Variants in GABBR2 observed in about 807,000 individuals in gnomAD.
The protein encoded by GABBR2 is G-protein coupled receptor 51.
Under a neutral mutation model 105.6 loss-of-function variants are expected in GABBR2, and 23 were observed. The ratio of observed to expected loss-of-function variants is 0.22; its 90% CI spans 0.16 to 0.31. The LOEUF (loss-of-function observed/expected upper bound fraction) is 0.31. Among genes scored for constraint, GABBR2 ranks in the 10% least tolerant of loss-of-function variants. GABBR2 has a pLI of 1.00. For synonymous variants in GABBR2, 478 were observed against 499.7 expected, an observed-to-expected ratio of 0.96 and a Z score of 0.58; for missense variants, 734 against 1,245.5, an observed-to-expected ratio of 0.59 and a Z score of 6.18.
At chr9:98,514,543 G>A (rs1239065955) in intron 3 of GABBR2, among the ~76,000 whole-genome samples, 3 of 148,610 alleles carry the variant, frequency 2.0e-5, no homozygotes, top group South Asian at 2.2e-4. Context: ...GCAAACTATC[G>A]CAAGGACAAA....
chr9:98,496,211 C>G (rs910491741), intron 4 of GABBR2: 1 of 590,968 alleles, frequency 1.7e-6, no homozygotes, highest in African/African-American at 1.9e-5. Flanking sequence ...CACCTGCAGC[C>G]AGCACCTCTG....
intron 13 of GABBR2, among the ~76,000 whole-genome samples, chr9:98,351,826 C>T (rs962005116): frequency 1.3e-5 from 2 of 152,128 alleles, no homozygotes; most frequent in African/African-American, 4.8e-5. Flanking sequence ...CATAGATTTC[C>T]TTTCTTTGGA....
chr9:98,621,810 T>C (rs1829673891), intron 1 of GABBR2, among the ~76,000 whole-genome samples: 1 of 152,218 alleles, frequency 6.6e-6, no homozygotes, highest in African/African-American at 2.4e-5. Context: ...TGTAATAATG[T>C]GCCTACAGAT....
chr9:98,598,867 G>A (rs1829277453), intron 1 of GABBR2, among the ~76,000 whole-genome samples: 3 of 152,122 alleles, frequency 2.0e-5, no homozygotes, highest in South Asian at 2.1e-4. Flanking sequence ...AATTTTCCCT[G>A]TTCCATCACA....
intron 13 of GABBR2, among the ~76,000 whole-genome samples, chr9:98,353,824 T>A (rs1831442510): frequency 6.6e-6 from 1 of 151,934 alleles, no homozygotes; most frequent in African/African-American, 2.4e-5. Flanking sequence ...GGTGGCGGAA[T>A]TCCCCCATGC....
At chr9:98,409,907 G>A (rs751703157) in intron 7 of GABBR2, among the ~76,000 whole-genome samples, 1 of 152,160 alleles carries the variant, frequency 6.6e-6, no homozygotes, top group Non-Finnish European at 1.5e-5. Context: ...TTGTCTCAGA[G>A]CCTGTTTTCT....
At chr9:98,666,383 A>G (rs2131857417) in intron 1 of GABBR2, among the ~76,000 whole-genome samples, 1 of 152,326 alleles carries the variant, frequency 6.6e-6, no homozygotes, top group African/African-American at 2.4e-5. Context: ...TGGAGAATTC[A>G]TGCTTCTCAT....
At chr9:98,573,909 A>G (rs1395146275) in intron 2 of GABBR2, among the ~76,000 whole-genome samples, 1 of 152,212 alleles carries the variant, frequency 6.6e-6, no homozygotes, top group Non-Finnish European at 1.5e-5. Flanking sequence ...CGCCACAAGA[A>G]CCAATGTTTA....
At chr9:98,619,994 T>C (rs1014971268) in intron 1 of GABBR2, among the ~76,000 whole-genome samples, 2 of 152,164 alleles carry the variant, frequency 1.3e-5, no homozygotes, top group Non-Finnish European at 2.9e-5. Flanking sequence ...TGTTGGGTCA[T>C]TGGCAAAATG....
chr9:98,684,007 C>CAAAAAAAA (rs367642589), intron 1 of GABBR2, among the ~76,000 whole-genome samples: 11 of 105,928 alleles, frequency 1.0e-4, no homozygotes, highest in Admixed American at 3.1e-4. Context: ...GACTCCATCT[C>CAAAAAAAA]AAAAAAAAAA....
In GABBR2 at chr9:98,487,463, T is replaced by C. The variant is rs80191277; in HGVS notation, c.733-6466A>G. On this transcript the variant is annotated intron_variant, in intron 4 of 18. Transcript: ENST00000259455. Reference sequence around the variant, plus strand: ...CTCAAAGCCTACCTTTGTAGTTGTCTTATGCCAGGCAGAATAATAGCCACA... The same window carrying C: ...CTCAAAGCCTACCTTTGTAGTTGTCCTATGCCAGGCAGAATAATAGCCACA... 3.2e-3 allele frequency among the ~76,000 whole-genome samples: 483 copies of C among 152,304 alleles called. 6 individuals carry two copies. The East Asian group carries it at 0.038, about 12-fold the overall frequency.
At chr9:98,427,840 T>G (rs896099080) in intron 7 of GABBR2, among the ~76,000 whole-genome samples, 3 of 151,952 alleles carry the variant, frequency 2.0e-5, no homozygotes, top group Non-Finnish European at 2.9e-5. Context: ...CCTGAGGAAC[T>G]GAGTCCTGTT....
intron 13 of GABBR2, among the ~76,000 whole-genome samples, chr9:98,327,026 G>A (rs941007236): frequency 6.6e-6 from 1 of 152,204 alleles, no homozygotes; most frequent in Non-Finnish European, 1.5e-5. Flanking sequence ...GAAACAGATG[G>A]CTACTGTGTT....
At chr9:98,433,329 G>A (rs1178248114) in intron 7 of GABBR2, among the ~76,000 whole-genome samples, 1 of 152,190 alleles carries the variant, frequency 6.6e-6, no homozygotes, top group East Asian at 1.9e-4. Flanking sequence ...CCATGGGTCT[G>A]TAAGTATATA....
intron 13 of GABBR2, among the ~76,000 whole-genome samples, chr9:98,312,495 C>T (rs1485672860): frequency 6.6e-6 from 1 of 152,224 alleles, no homozygotes; most frequent in Admixed American, 6.5e-5. Flanking sequence ...TTCTGTCAGA[C>T]ATCCATTTCA....
chr9:98,543,091 T>C (rs1029438742), intron 2 of GABBR2, among the ~76,000 whole-genome samples: 3 of 152,146 alleles, frequency 2.0e-5, no homozygotes, highest in African/African-American at 7.2e-5. Context: ...TCTTTATTAT[T>C]TCTTCTTTTT....
At chr9:98,494,202 C>T (rs1316301426) in intron 4 of GABBR2, among the ~76,000 whole-genome samples, 2 of 152,134 alleles carry the variant, frequency 1.3e-5, no homozygotes, top group Non-Finnish European at 2.9e-5. Context: ...TGTTATAAAC[C>T]ACCTAGTTTG....
At chr9:98,636,892 G>T (rs938252825) in intron 1 of GABBR2, among the ~76,000 whole-genome samples, 1 of 152,074 alleles carries the variant, frequency 6.6e-6, no homozygotes, top group Non-Finnish European at 1.5e-5. Flanking sequence ...ACCTCACTCC[G>T]AATTGCCCAT....
chr9:98,678,462 G>A (rs773091385), intron 1 of GABBR2, among the ~76,000 whole-genome samples: 1 of 152,182 alleles, frequency 6.6e-6, no homozygotes, highest in Non-Finnish European at 1.5e-5. Context: ...GCTGGCAGCT[G>A]GCAGAATCTT....
Sources: allele counts gnomAD v4.1 joint callset (sites outside exome capture counted in the v4.1 genomes callset), GRCh38; gene constraint gnomAD v4.1.1; transcripts MANE v1.5; gene names NCBI Gene and HGNC (gene_info 2026-07-23, HGNC 2026-07-21).